PDE5A: variants seen among roughly 807,000 people sequenced by gnomAD.
PDE5A encodes the protein phosphodiesterase 5A.
Under a neutral mutation model 110.2 loss-of-function variants are expected in PDE5A, and 67 were observed. That is an observed-to-expected ratio of 0.61 (90% CI 0.50 to 0.75). The LOEUF (loss-of-function observed/expected upper bound fraction) is 0.75. Ranked by LOEUF, PDE5A falls within the 30% of genes least tolerant of loss-of-function variation. PDE5A has a pLI of 0.00. For synonymous variants in PDE5A, 328 were observed against 351.2 expected (o/e 0.93, Z 0.74); for missense variants, 862 against 1,045.1 (o/e 0.82, Z 2.42).
At chr4:119,523,657 G>A (rs2110471920) in intron 12 of PDE5A, among the ~76,000 whole-genome samples, 1 of 152,084 alleles carries the variant, frequency 6.6e-6, no homozygotes, top group East Asian at 1.9e-4. Flanking sequence ...CAACTGGTAA[G>A]AATAAAGATT....
At chr4:119,555,638 C>T (rs114517828) in intron 7 of PDE5A, among the ~76,000 whole-genome samples, 1 of 151,790 alleles carries the variant, frequency 6.6e-6, no homozygotes, top group South Asian at 2.1e-4. Context: ...TATTATTATT[C>T]TTCATCATCA....
intron 3 of PDE5A, among the ~76,000 whole-genome samples, chr4:119,593,728 T>G (rs910951220): frequency 3.9e-5 from 6 of 152,200 alleles, no homozygotes. Context: ...GTAAATTATA[T>G]TATATGTGTA....
intron 11 of PDE5A, among the ~76,000 whole-genome samples, chr4:119,526,179 A>G (rs1277018997): frequency 6.6e-6 from 1 of 152,138 alleles, no homozygotes; most frequent in Non-Finnish European, 1.5e-5. Context: ...TCCATTTTTC[A>G]AGTACAGGAA....
intron 2 of PDE5A, among the ~76,000 whole-genome samples, chr4:119,597,117 T>C (rs932220546): frequency 4.0e-4 from 61 of 152,116 alleles, no homozygotes; most frequent in Admixed American, 3.3e-4. Flanking sequence ...TTGAGTCAGA[T>C]TGTAAACAAT....
intron 12 of PDE5A, among the ~76,000 whole-genome samples, chr4:119,524,037 G>T (rs2110472221): frequency 6.6e-6 from 1 of 152,044 alleles, no homozygotes; most frequent in East Asian, 1.9e-4. Flanking sequence ...GTCAAACTTG[G>T]CCTAAGAATG....
intron 3 of PDE5A, among the ~76,000 whole-genome samples, chr4:119,583,716 G>A (rs1303965741): frequency 6.6e-6 from 1 of 152,224 alleles, no homozygotes; most frequent in African/African-American, 2.4e-5. Context: ...GAGGCCAAAG[G>A]AGAAGGAGAG....
At chr4:119,626,154 T>A (rs1320628397) in intron 1 of PDE5A, among the ~76,000 whole-genome samples, 5 of 152,036 alleles carry the variant, frequency 3.3e-5, no homozygotes, top group South Asian at 2.1e-4. Context: ...TAACCGAAAA[T>A]TTTTTAAAAG....
intron 1 of PDE5A, among the ~76,000 whole-genome samples, chr4:119,611,740 G>A (rs191123645): frequency 4.6e-5 from 7 of 152,344 alleles, no homozygotes; most frequent in East Asian, 3.9e-4. Context: ...TCAACAATCC[G>A]TATTAACCAC....
Position 119,507,704 on chromosome 4 carries a change from C to A in PDE5A, c.2089G>T (p.Gly697Cys). 6.4e-7 allele frequency: 1 copy of A among 1,570,132 alleles called. No homozygotes were observed. Among genetic ancestry groups the A allele is most frequent in the Non-Finnish European group, 8.6e-7 (1 of 1,162,192 alleles). The stretch of plus-strand genomic sequence containing the variant: ...GAGAGGCCACTGAGAATCTGATTGC[C>A]CTTTATAAAAAAAGAAAACCAGTAT... ...DQCLMILNSP[G>C]NQILSGLSIE... The change falls in exon 16 of 21, where the codon GGC becomes TGC. Residue 697 changes from glycine to cysteine, a missense_variant and splice_region_variant. By Grantham distance (159) the Gly-to-Cys change is radical (BLOSUM62 -3). Coordinates refer to ENST00000354960, the MANE Select transcript of PDE5A (RefSeq NM_001083.4).
chr4:119,546,634 A>G (rs1727138350), intron 9 of PDE5A, among the ~76,000 whole-genome samples: 2 of 151,974 alleles, frequency 1.3e-5, no homozygotes, highest in Admixed American at 1.3e-4. Flanking sequence ...GTTGATCAGG[A>G]ACAACCTCCC....
intron 18 of PDE5A, among the ~76,000 whole-genome samples, chr4:119,504,182 A>T (rs1380045619): frequency 6.6e-6 from 1 of 151,928 alleles, no homozygotes; most frequent in African/African-American, 2.4e-5. Flanking sequence ...GCTCCCACTT[A>T]TGAGTGAGAA....
intron 9 of PDE5A, 62 bp downstream of exon 9, chr4:119,552,488 G>A (rs1727389558): frequency 5.2e-6 from 3 of 578,344 alleles, no homozygotes; most frequent in Admixed American, 4.1e-5. Flanking sequence ...AAAGAAAGAA[G>A]TATAGCTGGG....
intron 1 of PDE5A, among the ~76,000 whole-genome samples, chr4:119,616,181 G>A (rs1453963242): frequency 1.3e-5 from 2 of 152,160 alleles, no homozygotes; most frequent in Non-Finnish European, 2.9e-5. Context: ...CAAAATCACC[G>A]TTGGAAGTTA....
chr4:119,498,485 C>T lies in PDE5A; in HGVS notation c.*116G>A, dbSNP rs576736886. On this transcript the variant is annotated 3_prime_UTR_variant, in exon 21 of 21. Coordinates refer to ENST00000354960, the MANE Select transcript of PDE5A (RefSeq NM_001083.4). ...CAAAAGTTGTGCAAAAATAAAAATA[C>T]AGCAGTGGCAAAGTATATACCAAAT... 1.8e-5 allele frequency: 20 copies of T among 1,123,346 alleles called. No individual in the cohort carries two copies. In the South Asian group the frequency reaches 2.5e-4, roughly 14 times the overall value. The allele number at this position is 1,123,346 out of a possible 1,614,324, so 69.6% of individuals were successfully genotyped here.
chr4:119,596,855 A>T (rs1406698507), intron 2 of PDE5A, among the ~76,000 whole-genome samples: 1 of 152,068 alleles, frequency 6.6e-6, no homozygotes. Context: ...GACTCGAACA[A>T]ATGTTCAGAA....
intron 1 of PDE5A, among the ~76,000 whole-genome samples, chr4:119,611,255 T>C (rs535399536): frequency 3.3e-4 from 50 of 152,340 alleles, no homozygotes; most frequent in Admixed American, 1.8e-3. Context: ...AATCTGTTGT[T>C]ATATCATCTA....
intron 7 of PDE5A, among the ~76,000 whole-genome samples, chr4:119,557,354 T>C (rs1348123801): frequency 6.6e-6 from 1 of 152,118 alleles, no homozygotes; most frequent in Non-Finnish European, 1.5e-5. Flanking sequence ...TCTCACAGGG[T>C]GTTTTCTCTA....
chr4:119,621,899 G>A lies in PDE5A; in HGVS notation c.152+6621C>T, dbSNP rs557298227. Among the ~76,000 whole-genome samples the A allele has an allele frequency of 2.9e-4, 44 of 152,280 alleles. No individual in the cohort carries two copies. The South Asian group carries it at 4.6e-3, about 16-fold the overall frequency. On this transcript the variant is annotated intron_variant, in intron 1 of 20. Coordinates refer to ENST00000354960, the MANE Select transcript of PDE5A (RefSeq NM_001083.4). ...TTGAAAAATGAGATTGGCCGGGCGC[G>A]GTGGCTCACGCCTGTAATCCCAGCA...
At chr4:119,621,272 T>C (rs755470188) in intron 1 of PDE5A, among the ~76,000 whole-genome samples, 2 of 152,224 alleles carry the variant, frequency 1.3e-5, no homozygotes, top group Non-Finnish European at 2.9e-5. Context: ...TCCCCAATGA[T>C]ATATCACCTT....
Sources: gnomAD v4.1 joint callset for allele counts (sites outside exome capture counted in the v4.1 genomes callset) on GRCh38, gnomAD v4.1.1 for gene constraint, MANE v1.5 for transcripts, NCBI Gene and HGNC (gene_info 2026-07-23, HGNC 2026-07-21) for gene names.